PCDHA1: variants seen among roughly 807,000 people sequenced by gnomAD.
PCDHA1 encodes protocadherin alpha 1, also known as protocadherin alpha-1.
In PCDHA1, 42 loss-of-function variants were observed where a neutral mutation model predicts 61.3. The ratio of observed to expected loss-of-function variants is 0.69; its 90% CI spans 0.54 to 0.89. The LOEUF is 0.89. Among genes scored for constraint, PCDHA1 ranks in the 40% least tolerant of loss-of-function variants. The pLI, the probability that PCDHA1 is intolerant of heterozygous loss-of-function variation, is 0.00. For missense variants in PCDHA1, 1,256 were observed against 1,235.3 expected (o/e 1.02, Z -0.25); for synonymous variants, 610 against 553.8 (o/e 1.10, Z -1.43).
intron 3 of PCDHA1, among the ~76,000 whole-genome samples, chr5:140,992,975 T>G (rs2097535680): frequency 6.6e-6 from 1 of 152,178 alleles, no homozygotes; most frequent in Admixed American, 6.6e-5. Context: ...TGACAATGAT[T>G]AGGCCATGGG....
At chr5:140,891,052 A>T (rs1554184638) in intron 1 of PCDHA1, among the ~76,000 whole-genome samples, 1 of 152,200 alleles carries the variant, frequency 6.6e-6, no homozygotes, top group Non-Finnish European at 1.5e-5. Flanking sequence ...CCCACAGCAC[A>T]TAGTAAATAT....
chr5:140,869,432 T>C (rs1562628312), intron 1 of PCDHA1: 3 of 1,614,192 alleles, frequency 1.9e-6, no homozygotes, highest in Non-Finnish European at 2.5e-6. Context: ...GAGGTGATCG[T>C]GGACAGGCCG....
At chr5:140,807,116 C>G (rs1411901761) in intron 1 of PCDHA1, 1 of 1,524,432 alleles carries the variant, frequency 6.6e-7, no homozygotes, top group Non-Finnish European at 8.9e-7. Flanking sequence ...CTGCACTTGA[C>G]TGACCGATTA....
intron 1 of PCDHA1, among the ~76,000 whole-genome samples, chr5:140,922,406 G>C (rs1411149387): frequency 9.8e-5 from 15 of 152,288 alleles, no homozygotes; most frequent in African/African-American, 3.6e-4. Flanking sequence ...GGATTAAAAA[G>C]ATCTAGGTAC....
intron 1 of PCDHA1, chr5:140,966,979 C>T (rs1554229021): frequency 2.5e-6 from 4 of 1,603,612 alleles, no homozygotes; most frequent in Admixed American, 1.7e-5. Context: ...AGCTGCGGCG[C>T]TTGGGGCCGG....
At chr5:140,884,656 G>GA (rs1317691755) in intron 1 of PCDHA1, 2 of 1,602,060 alleles carry the variant, frequency 1.2e-6, no homozygotes, top group Non-Finnish European at 1.7e-6. Flanking sequence ...CAGAATGCTT[G>GA]AAAGAGGTAA....
intron 3 of PCDHA1, among the ~76,000 whole-genome samples, chr5:140,993,514 A>T (rs1239398977): frequency 6.6e-6 from 1 of 150,498 alleles, no homozygotes; most frequent in East Asian, 1.9e-4. Flanking sequence ...ACACACGGGG[A>T]GAGAGAGACA....
rs561284006 is a variant in PCDHA1, at chr5:140,905,585, T to G, written c.2395-73364T>G. 2.0e-5 allele frequency among the ~76,000 whole-genome samples: 3 copies of G among 152,306 alleles called. No individual in the cohort carries two copies. The East Asian group carries it at 5.8e-4, about 29-fold the overall frequency. On this transcript the variant is annotated intron_variant, in intron 1 of 3. Coordinates refer to ENST00000504120, the MANE Select transcript of PCDHA1 (RefSeq NM_018900.4). ...AGTCATGTGAAGAATGATAATGATATTTTGCTGGGAATTGCATTGAATCTA... is the reference window on the plus strand; with the variant it reads ...AGTCATGTGAAGAATGATAATGATAGTTTGCTGGGAATTGCATTGAATCTA...
intron 1 of PCDHA1, chr5:140,847,470 C>A (rs972055023): frequency 6.7e-6 from 1 of 149,674 alleles, no homozygotes; most frequent in Non-Finnish European, 1.5e-5. Context: ...TCGACTTGGA[C>A]GTTGGAATAA....
At chr5:140,826,515 G>A (rs2150144072) in intron 1 of PCDHA1, among the ~76,000 whole-genome samples, 1 of 152,158 alleles carries the variant, frequency 6.6e-6, no homozygotes, top group Non-Finnish European at 1.5e-5. Flanking sequence ...AGATGATCAT[G>A]TCATTTGAAA....
At chr5:140,942,239 T>A (rs1554214876) in intron 1 of PCDHA1, among the ~76,000 whole-genome samples, 1 of 152,156 alleles carries the variant, frequency 6.6e-6, no homozygotes, top group Admixed American at 6.6e-5. Flanking sequence ...AAATAAGATA[T>A]CCATATCATT....
intron 1 of PCDHA1, chr5:140,816,943 G>C (rs1258543587): frequency 1.3e-5 from 2 of 152,118 alleles, no homozygotes; most frequent in Non-Finnish European, 1.5e-5. Context: ...AGTGCCTGGA[G>C]TCAAGTGAGA....
In PCDHA1 at chr5:140,993,460, TCTCACACA is replaced by T. The variant is rs782648313; in HGVS notation, c.2542+10899_2542+10906del. Among the ~76,000 whole-genome samples, 169 of 104,562 alleles carry T rather than the reference TCTCACACA, an allele frequency of 1.6e-3. 1 individual carries two copies. Among genetic ancestry groups the T allele is most frequent in the East Asian group, 0.012 (43 of 3,448 alleles). 68.6% of individuals were successfully genotyped at this position (104,562 alleles called of 152,430 possible). On this transcript the variant is annotated intron_variant, in intron 3 of 3. Coordinates refer to ENST00000504120, the MANE Select transcript of PCDHA1 (RefSeq NM_018900.4). ...TTCATTCCTGTTCTCCTTCTTTCTT[TCTCACACA>T]CACACACACACACACACACACACAC...
chr5:140,928,007 ATGG>A (rs1183344805), intron 1 of PCDHA1: 2 of 1,613,998 alleles, frequency 1.2e-6, no homozygotes, highest in Non-Finnish European at 1.7e-6. Context: ...CTCGATTCTA[ATGG>A]TAGGGTCATT....
intron 1 of PCDHA1, among the ~76,000 whole-genome samples, chr5:140,873,086 C>A (rs984385666): frequency 1.3e-5 from 2 of 152,240 alleles, no homozygotes; most frequent in African/African-American, 2.4e-5. Flanking sequence ...ATTTCCCCCC[C>A]GTATAGAGGC....
rs1413673667 is a variant in PCDHA1, at chr5:140,786,475, G to T, written c.185G>T (p.Arg62Leu). 2 of 1,613,688 alleles carry T rather than the reference G, an allele frequency of 1.2e-6. No homozygotes were observed. Among genetic ancestry groups the T allele is most frequent in the South Asian group, 1.1e-5 (1 of 91,050 alleles). Residue 62 changes from arginine (R) to leucine (L), a missense_variant, in exon 1 of 4, where the codon CGC becomes CTC. Coordinates refer to ENST00000504120, the MANE Select transcript of PCDHA1 (RefSeq NM_018900.4). ...LGLELAELVP[R>L]LFRVASKTHR... ...CTGGAGCTGGCGGAGCTGGTGCCTC[G>T]CCTGTTCCGGGTGGCGTCCAAAACA...
intron 1 of PCDHA1, chr5:140,927,513 C>T (rs371881938): frequency 2.2e-5 from 36 of 1,614,062 alleles, no homozygotes; most frequent in South Asian, 3.3e-5. Flanking sequence ...CAGCTCGGGA[C>T]GGCGGGCTAC....
chr5:140,967,415 C>T, intron 1 of PCDHA1: 1 of 1,613,142 alleles, frequency 6.2e-7, no homozygotes, highest in African/African-American at 1.3e-5. Flanking sequence ...GGGCCTAGAC[C>T]GGGAGCAGGC....
intron 1 of PCDHA1, chr5:140,928,948 A>G: frequency 1.2e-6 from 2 of 1,614,032 alleles, no homozygotes; most frequent in Non-Finnish European, 1.7e-6. Flanking sequence ...GTATTTAGTA[A>G]TTGCCTTGGC....
Sources: allele counts gnomAD v4.1 joint callset (sites outside exome capture counted in the v4.1 genomes callset), GRCh38; gene constraint gnomAD v4.1.1; transcripts MANE v1.5; gene names NCBI Gene and HGNC (gene_info 2026-07-23, HGNC 2026-07-21).